TENM2: variants seen among roughly 807,000 people sequenced by gnomAD.
TENM2 encodes the protein teneurin transmembrane protein 2.
A neutral mutation model predicts 245.2 loss-of-function variants in TENM2; 52 were observed. That is an observed-to-expected ratio of 0.21 (90% CI 0.17 to 0.27). The LOEUF (loss-of-function observed/expected upper bound fraction) is 0.27. Ranked by LOEUF, TENM2 falls within the 10% of genes least tolerant of loss-of-function variation. The pLI is 1.00. For missense variants in TENM2, 3,046 were observed against 3,666.8 expected (o/e 0.83, Z 4.37); for synonymous variants, 1,363 against 1,438.9 (o/e 0.95, Z 1.19).
At chr5:167,537,803 AT>A (rs1342231007) in intron 2 of TENM2, among the ~76,000 whole-genome samples, 2 of 152,190 alleles carry the variant, frequency 1.3e-5, no homozygotes, top group Non-Finnish European at 2.9e-5. Context: ...AAGGATGAAG[AT>A]TTTGAATGAA....
At chr5:167,351,134 TG>T (rs1758880174) in intron 1 of TENM2, among the ~76,000 whole-genome samples, 2 of 133,742 alleles carry the variant, frequency 1.5e-5, no homozygotes, top group African/African-American at 5.1e-5. Context: ...GATATATATA[TG>T]GGATATATAC....
chr5:167,198,599 G>A, the TENM2 span, among the ~76,000 whole-genome samples: 1 of 152,070 alleles, frequency 6.6e-6, no homozygotes. Context: ...TTTGGTGAAA[G>A]AGTGCAGCGA....
exon 29 of TENM2, chr5:168,262,393 C>T: frequency 6.3e-7 from 1 of 1,593,138 alleles, no homozygotes. Context: ...CACTAGGCAC[C>T]ACCATCGGCC....
At chr5:168,109,436 G>C (rs1794499072) in intron 9 of TENM2, among the ~76,000 whole-genome samples, 1 of 152,218 alleles carries the variant, frequency 6.6e-6, no homozygotes, top group South Asian at 2.1e-4. Context: ...CCGTTTCACA[G>C]CTAAAGAAAC....
chr5:167,756,410 G>T (rs1259155101), intron 2 of TENM2, among the ~76,000 whole-genome samples: 1 of 152,138 alleles, frequency 6.6e-6, no homozygotes, highest in Non-Finnish European at 1.5e-5. Context: ...CTGAGATGCT[G>T]TGGGTTTCTC....
intron 1 of TENM2, among the ~76,000 whole-genome samples, chr5:167,332,930 A>G (rs2127794650): frequency 6.6e-6 from 1 of 152,302 alleles, no homozygotes; most frequent in South Asian, 2.1e-4. Context: ...AACTGAAGAG[A>G]CAAATTGATC....
rs1554127838 is a variant in TENM2, at chr5:167,834,661, T to TTTTTC, written c.503-41325_503-41324insTTTTC. On this transcript the variant is annotated intron_variant, in intron 2 of 28. Transcript: ENST00000518659. ...ATTTCTTTTTTTTTTTTTTTTTTTT[T>TTTTTC]CTTTTTGAGACGGAGTCTCGCTCTG... is the stretch of plus-strand genomic sequence containing the variant. 6.4e-5 allele frequency among the ~76,000 whole-genome samples: 8 copies of TTTTTC among 124,804 alleles called. 2 individuals carry two copies. Among genetic ancestry groups the TTTTTC allele is most frequent in the Non-Finnish European group, 1.4e-4 (8 of 56,188 alleles). 81.9% of individuals were successfully genotyped at this position (124,804 alleles called of 152,430 possible).
chr5:167,461,743 A>G (rs947605678), intron 2 of TENM2, among the ~76,000 whole-genome samples: 1 of 152,236 alleles, frequency 6.6e-6, no homozygotes, highest in African/African-American at 2.4e-5. Flanking sequence ...ATATGGCATA[A>G]AACATAAGCA....
chr5:167,779,567 T>C (rs1764043480), intron 2 of TENM2, among the ~76,000 whole-genome samples: 1 of 152,204 alleles, frequency 6.6e-6, no homozygotes, highest in Admixed American at 6.5e-5. Context: ...TATTGTCCTA[T>C]ACACATGACT....
At chr5:167,965,224 G>A (rs1353188501) in intron 4 of TENM2, 2 of 152,096 alleles carry the variant, frequency 1.3e-5, no homozygotes, top group Non-Finnish European at 2.9e-5. Context: ...TGCTGAAGAA[G>A]GAACAGGTTT....
the TENM2 span, among the ~76,000 whole-genome samples, chr5:167,167,821 C>CAATG: frequency 6.6e-6 from 1 of 152,084 alleles, no homozygotes; most frequent in Non-Finnish European, 1.5e-5. Flanking sequence ...AGAAAACACA[C>CAATG]AATGAATGAA....
At chr5:167,835,153 G>A (rs1308626848) in intron 2 of TENM2, among the ~76,000 whole-genome samples, 1 of 152,178 alleles carries the variant, frequency 6.6e-6, no homozygotes, top group South Asian at 2.1e-4. Context: ...ATGAAATAAG[G>A]TTATGTTTAT....
At chr5:167,758,912 TTC>T (rs1370404151) in intron 2 of TENM2, among the ~76,000 whole-genome samples, 1 of 152,042 alleles carries the variant, frequency 6.6e-6, no homozygotes, top group Non-Finnish European at 1.5e-5. Context: ...GCCCAGCTAG[TTC>T]TCTGTCTCCT....
chr5:167,059,663 G>GTTATTTGATACTCAAATGC, the TENM2 span, among the ~76,000 whole-genome samples: 1 of 143,564 alleles, frequency 7.0e-6, no homozygotes. Context: ...GTTACTGATA[G>GTTATTTGATACTCAAATGC]TTATTTGATA....
chr5:167,370,107 C>G (rs1436699659), intron 1 of TENM2, among the ~76,000 whole-genome samples: 1 of 152,120 alleles, frequency 6.6e-6, no homozygotes, highest in Non-Finnish European at 1.5e-5. Flanking sequence ...CTTTGGGAAG[C>G]TGAGGTGGGC....
intron 2 of TENM2, among the ~76,000 whole-genome samples, chr5:167,403,583 T>G (rs1762477355): frequency 6.6e-6 from 1 of 152,134 alleles, no homozygotes; most frequent in Non-Finnish European, 1.5e-5. Flanking sequence ...TTTATAACAT[T>G]TTAAAAACTG....
At chr5:167,799,646 G>A (rs951126408) in intron 2 of TENM2, among the ~76,000 whole-genome samples, 50 of 152,224 alleles carry the variant, frequency 3.3e-4, no homozygotes, top group African/African-American at 1.1e-3. Context: ...CCTGTGAACT[G>A]ATAGATGTTC....
At chr5:167,874,123 T>A (rs928183569) in intron 2 of TENM2, among the ~76,000 whole-genome samples, 2 of 152,104 alleles carry the variant, frequency 1.3e-5, no homozygotes, top group Non-Finnish European at 2.9e-5. Context: ...AAACCCCAAC[T>A]CCTACCTGGC....
the TENM2 span, among the ~76,000 whole-genome samples, chr5:167,143,438 C>A: frequency 2.3e-4 from 35 of 152,152 alleles, no homozygotes; most frequent in Non-Finnish European, 1.2e-4. Flanking sequence ...TAGTTTCATT[C>A]ATTCTGATCT....
Sources: gnomAD v4.1 joint callset for allele counts (sites outside exome capture counted in the v4.1 genomes callset) on GRCh38, gnomAD v4.1.1 for gene constraint, MANE v1.5 for transcripts, NCBI Gene and HGNC (gene_info 2026-07-23, HGNC 2026-07-21) for gene names.